KDSR: variants seen among roughly 807,000 people sequenced by gnomAD.
KDSR encodes 3-dehydrosphinganine reductase.
Under a neutral mutation model 41.3 loss-of-function variants are expected in KDSR, and 23 were observed. The ratio of observed to expected loss-of-function variants is 0.56; its 90% CI spans 0.40 to 0.79. The LOEUF (loss-of-function observed/expected upper bound fraction) is 0.79, where lower values mean the gene tolerates loss of function less well. KDSR is among the 30% of genes least tolerant of loss of function. The pLI, the probability that KDSR is intolerant of heterozygous loss-of-function variation, is 0.00. For missense variants in KDSR, 351 were observed against 416.8 expected, an observed-to-expected ratio of 0.84 and a Z score of 1.37; for synonymous variants, 138 against 151.7, an observed-to-expected ratio of 0.91 and a Z score of 0.66.
intron 6 of KDSR, among the ~76,000 whole-genome samples, chr18:63,348,524 T>C (rs1349589035): frequency 6.6e-6 from 1 of 152,166 alleles, no homozygotes; most frequent in Non-Finnish European, 1.5e-5. Context: ...CCCCAGAACC[T>C]ATTTTTCATG....
In KDSR at chr18:63,331,576, C is replaced by T; in HGVS notation, c.*206G>A. On this transcript the variant is annotated 3_prime_UTR_variant, in exon 10 of 10. Coordinates refer to ENST00000645214, the MANE Select transcript of KDSR (RefSeq NM_002035.4). ...AAAGCCTAGAAAATCAAATGGTCTC[C>T]TATTCCATATTTGCATAGTATTAAT... The T allele has an allele frequency of 2.2e-6, 1 of 445,790 alleles. No individual in the cohort carries two copies. The highest frequency in any genetic ancestry group is 3.4e-5 in the East Asian group (1 of 29,176). The allele number at this position is 445,790 out of a possible 1,614,324, so 27.6% of individuals were successfully genotyped here. A position where few individuals can be genotyped will look rare whatever the true frequency, so the allele number is the denominator to read the frequency against.
intron 3 of KDSR, among the ~76,000 whole-genome samples, chr18:63,357,659 C>T (rs1439749868): frequency 8.9e-5 from 13 of 146,382 alleles, no homozygotes; most frequent in African/African-American, 2.5e-4. Flanking sequence ...AATCTCTGCT[C>T]ACCTCAAGCT....
Position 63,344,128 on chromosome 18 carries a change from G to A in KDSR, c.693+282C>T, listed in dbSNP as rs1042006550. ...AGAGTTTGAGGATGCAGTTAGCCAC[G>A]ATTGTACCACTGCACTCCAGCCTGG... On this transcript the variant is annotated intron_variant, in intron 7 of 9. Transcript: ENST00000645214. 3.3e-5 allele frequency among the ~76,000 whole-genome samples: 5 copies of A among 152,312 alleles called. No individual in the cohort carries two copies. In the East Asian group the frequency reaches 7.7e-4, roughly 24 times the overall value.
chr18:63,365,836 C>G (rs908270348), intron 1 of KDSR: 61 of 152,212 alleles, frequency 4.0e-4, no homozygotes, highest in African/African-American at 1.4e-3. Context: ...TGAATCCACA[C>G]TCTTTCCCCA....
At chr18:63,357,706 C>T (rs915947474) in intron 3 of KDSR, among the ~76,000 whole-genome samples, 7 of 151,630 alleles carry the variant, frequency 4.6e-5, no homozygotes, top group Admixed American at 4.6e-4. Flanking sequence ...CTGCCTCAGC[C>T]TCCCTCCTGA....
At chr18:63,348,709 C>G (rs1469565121) in intron 6 of KDSR, among the ~76,000 whole-genome samples, 1 of 152,170 alleles carries the variant, frequency 6.6e-6, no homozygotes, top group Non-Finnish European at 1.5e-5. Context: ...TTTCTTTTTC[C>G]TCTTTTTTAG....
At chr18:63,342,393 C>T (rs887469409) in intron 7 of KDSR, among the ~76,000 whole-genome samples, 2 of 152,112 alleles carry the variant, frequency 1.3e-5, no homozygotes, top group Admixed American at 6.6e-5. Flanking sequence ...CCTGACACCA[C>T]CGCTGGGTGG....
intron 2 of KDSR, among the ~76,000 whole-genome samples, chr18:63,361,004 A>T: frequency 5.4e-5 from 1 of 18,592 alleles, no homozygotes; most frequent in East Asian, 2.1e-3. Context: ...AAAAAAAAAT[A>T]TATATATATA....
intron 7 of KDSR, among the ~76,000 whole-genome samples, chr18:63,339,218 C>T (rs114003540): frequency 0.023 from 3,558 of 151,750 alleles, 142 homozygotes; most frequent in African/African-American, 0.081. Flanking sequence ...CAGTGCTGGC[C>T]GGACACCTGA....
chr18:63,353,174 C>A lies in KDSR; in HGVS notation c.417+2030G>T, dbSNP rs150549847. On this transcript the variant is annotated intron_variant, in intron 5 of 9. Transcript: ENST00000645214. ...CCAGCCTGGGTGACAGAGTAAGACTCCGTCTCCAAAAAAAAAAGAAAGTTC... is the reference window on the plus strand; with the variant it reads ...CCAGCCTGGGTGACAGAGTAAGACTACGTCTCCAAAAAAAAAAGAAAGTTC... Among the ~76,000 whole-genome samples, 13 of 151,784 alleles carry A rather than the reference C, an allele frequency of 8.6e-5. No homozygotes were observed. The East Asian group carries it at 2.5e-3, about 29-fold the overall frequency.
intron 3 of KDSR, among the ~76,000 whole-genome samples, chr18:63,358,406 A>G (rs1273299407): frequency 6.6e-6 from 1 of 152,178 alleles, no homozygotes; most frequent in Non-Finnish European, 1.5e-5. Context: ...CAACTCTATG[A>G]ATACATTAAA....
intron 5 of KDSR, among the ~76,000 whole-genome samples, chr18:63,353,012 CA>C (rs56105152): frequency 0.86 from 99,700 of 116,272 alleles, 42,225 homozygotes; most frequent in Admixed American, 0.9. Context: ...ACTAAAAATA[CA>C]AAAAAAAAAA....
rs1913892170 is a variant in KDSR at position 63,328,936 on chromosome 18, G to A, written c.*2846C>T. The A allele has an allele frequency of 5.2e-6, 1 of 192,212 alleles. No individual in the cohort carries two copies. Among genetic ancestry groups the A allele is most frequent in the Non-Finnish European group, 1.1e-5 (1 of 92,080 alleles). 11.9% of individuals were successfully genotyped at this position (192,212 alleles called of 1,614,324 possible). A position where few individuals can be genotyped will look rare whatever the true frequency, so the allele number is the denominator to read the frequency against. On this transcript the variant is annotated 3_prime_UTR_variant, in exon 10 of 10. Transcript: ENST00000645214. ...CAGAAGGCCAACATTTAAACTGAAT[G>A]ATAATTAAACGTTTACTACCATAGG... is the stretch of plus-strand genomic sequence containing the variant.
chr18:63,347,731 T>G (rs1014809824), intron 6 of KDSR, among the ~76,000 whole-genome samples: 2 of 151,984 alleles, frequency 1.3e-5, no homozygotes, highest in Non-Finnish European at 2.9e-5. Context: ...ATCAGTTTGT[T>G]TTTTTTGGGC....
intron 7 of KDSR, among the ~76,000 whole-genome samples, chr18:63,342,061 C>A (rs1914354804): frequency 6.6e-6 from 1 of 150,612 alleles, no homozygotes; most frequent in East Asian, 2.0e-4. Flanking sequence ...CCCAGCTACT[C>A]AGGAGGCTGA....
intron 9 of KDSR, among the ~76,000 whole-genome samples, chr18:63,332,988 C>G (rs1335766707): frequency 1.3e-5 from 2 of 150,838 alleles, no homozygotes; most frequent in African/African-American, 4.9e-5. Flanking sequence ...GAGAAGATTC[C>G]AAAAAGAAGA....
chr18:63,338,738 T>C, intron 8 of KDSR, 62 bp downstream of exon 8: 1 of 1,096,474 alleles, frequency 9.1e-7, no homozygotes, highest in Admixed American at 2.2e-5. Context: ...CTTGGACAAA[T>C]ATCTTTTCAG....
At chr18:63,338,754 T>C (rs758319593) in intron 8 of KDSR, 46 bp downstream of exon 8, 4 of 1,176,736 alleles carry the variant, frequency 3.4e-6, no homozygotes, top group African/African-American at 3.1e-5. Flanking sequence ...TTCAGAAATA[T>C]AGTACTACAA....
chr18:63,364,703 C>G (rs1488921901), intron 1 of KDSR, among the ~76,000 whole-genome samples: 1 of 152,194 alleles, frequency 6.6e-6, no homozygotes, highest in African/African-American at 2.4e-5. Context: ...CTTGACCTCC[C>G]AAAGTGCTGG....
Sources: gnomAD v4.1 joint callset for allele counts (sites outside exome capture counted in the v4.1 genomes callset) on GRCh38, gnomAD v4.1.1 for gene constraint, MANE v1.5 for transcripts, NCBI Gene and HGNC (gene_info 2026-07-23, HGNC 2026-07-21) for gene names.